Variants in BRINP3 observed in about 807,000 individuals in gnomAD.
The protein encoded by BRINP3 is BMP/retinoic acid-inducible neural-specific protein 3.
A neutral mutation model predicts 71.0 loss-of-function variants in BRINP3; 19 were observed. The observed-to-expected ratio is 0.27, with a 90% CI of 0.19 to 0.39. The LOEUF (loss-of-function observed/expected upper bound fraction) is 0.39. BRINP3 is among the 10% of genes least tolerant of loss of function. The pLI, the probability that BRINP3 is intolerant of heterozygous loss-of-function variation, is 1.00. For synonymous variants in BRINP3, 380 were observed against 337.7 expected, an observed-to-expected ratio of 1.13 and a Z score of -1.37; for missense variants, 959 against 940.8, an observed-to-expected ratio of 1.02 and a Z score of -0.25.
At chr1:190,318,388 T>G (rs1236312052) in intron 2 of BRINP3, among the ~76,000 whole-genome samples, 2 of 152,150 alleles carry the variant, frequency 1.3e-5, no homozygotes, top group African/African-American at 2.4e-5. Context: ...CAATTTCCCT[T>G]TCACTTGATT....
At chr1:190,392,609 TA>T (rs1350151356) in intron 2 of BRINP3, among the ~76,000 whole-genome samples, 3 of 151,792 alleles carry the variant, frequency 2.0e-5, no homozygotes, top group Non-Finnish European at 4.4e-5. Flanking sequence ...AGTTATTTTT[TA>T]AAAAAGAAAG....
chr1:190,226,350 T>A (rs1160320889), intron 5 of BRINP3, 32 bp from the exon 6 acceptor site: 1 of 1,338,582 alleles, frequency 7.5e-7, no homozygotes, highest in Non-Finnish European at 1.0e-6. Context: ...TTAACAAATT[T>A]ACTTTGTTAA....
intron 3 of BRINP3, among the ~76,000 whole-genome samples, chr1:190,279,772 C>T (rs1283208238): frequency 6.6e-6 from 1 of 151,862 alleles, no homozygotes; most frequent in Admixed American, 6.6e-5. Context: ...AATTCTGAAT[C>T]TTTATTTGTG....
At chr1:190,149,887 G>T (rs185188453) in intron 7 of BRINP3, among the ~76,000 whole-genome samples, 27 of 152,106 alleles carry the variant, frequency 1.8e-4, no homozygotes, top group African/African-American at 4.8e-4. Flanking sequence ...TTTCTTGAGT[G>T]TTCTTTTGTC....
intron 7 of BRINP3, among the ~76,000 whole-genome samples, chr1:190,118,028 A>T (rs1935878): frequency 0.99 from 151,064 of 152,160 alleles, 74,993 homozygotes; most frequent in Middle Eastern, 1. Context: ...TTTGGTTAGA[A>T]CCAAATGCAT....
intron 2 of BRINP3, among the ~76,000 whole-genome samples, chr1:190,407,794 A>G (rs1672380778): frequency 1.3e-5 from 2 of 152,166 alleles, no homozygotes; most frequent in Non-Finnish European, 1.5e-5. Context: ...CTTGGAATAT[A>G]TCCATAATAA....
chr1:190,459,379 T>C (rs1185185510), intron 1 of BRINP3, among the ~76,000 whole-genome samples: 1 of 151,860 alleles, frequency 6.6e-6, no homozygotes, highest in African/African-American at 2.4e-5. Context: ...GGTGGTACCT[T>C]ACTTTTATCT....
intron 1 of BRINP3, among the ~76,000 whole-genome samples, chr1:190,466,518 T>C (rs370448319): frequency 2.0e-5 from 3 of 151,848 alleles, no homozygotes; most frequent in Non-Finnish European, 4.4e-5. Context: ...ACTTATCTAG[T>C]CCACAGGAAG....
chr1:190,327,284 TGGCCTG>T (rs1405098083), intron 2 of BRINP3, among the ~76,000 whole-genome samples: 1 of 120,876 alleles, frequency 8.3e-6, no homozygotes, highest in East Asian at 2.6e-4. Flanking sequence ...CATTGTACTC[TGGCCTG>T]GGCAACAGAG....
intron 2 of BRINP3, among the ~76,000 whole-genome samples, chr1:190,288,832 T>C (rs999434197): frequency 6.6e-6 from 1 of 151,924 alleles, no homozygotes. Context: ...ACTTAAAGAA[T>C]ATGCACCACA....
chr1:190,159,640 C>A (rs1657171093), intron 7 of BRINP3, among the ~76,000 whole-genome samples: 1 of 151,928 alleles, frequency 6.6e-6, no homozygotes, highest in South Asian at 2.1e-4. Flanking sequence ...TCTATAGAGA[C>A]AAATAGTAGA....
intron 6 of BRINP3, among the ~76,000 whole-genome samples, chr1:190,170,519 G>A (rs1429843285): frequency 4.6e-5 from 7 of 152,016 alleles, no homozygotes; most frequent in South Asian, 2.1e-4. Flanking sequence ...CATATAAAAC[G>A]TGAAGCCATT....
chr1:190,473,677 A>T lies in BRINP3; in HGVS notation c.-51+3771T>A, dbSNP rs532768474. On this transcript the variant is annotated intron_variant, in intron 1 of 7. Coordinates refer to ENST00000367462, the MANE Select transcript of BRINP3 (RefSeq NM_199051.3). ...GAATGTGTTTGTCATTTTAATTGAGAAAAATCTGATAGTGGAAGAAATCTA... is the reference window on the plus strand; with the variant it reads ...GAATGTGTTTGTCATTTTAATTGAGTAAAATCTGATAGTGGAAGAAATCTA... Among the ~76,000 whole-genome samples the T allele has an allele frequency of 7.6e-4, 116 of 151,978 alleles. 1 individual carries two copies. Among genetic ancestry groups the T allele is most frequent in the Middle Eastern group, 3.4e-3 (1 of 294 alleles).
At position 190,345,715 on chromosome 1, in the gene BRINP3, G is replaced by GGAAAA. The variant is rs776250039; in HGVS notation, c.237-63966_237-63965insTTTTC. Reference sequence around the variant, plus strand: ...ACAACCAAATAGCCATTTACCTTCAGAAAAAAAAAAAAAAAAAGAACACTT... The same window carrying GGAAAA: ...ACAACCAAATAGCCATTTACCTTCAGGAAAAAAAAAAAAAAAAAAAAAGAACACTT... On this transcript the variant is annotated intron_variant, in intron 2 of 7. Coordinates refer to ENST00000367462, the MANE Select transcript of BRINP3 (RefSeq NM_199051.3). 2.9e-5 allele frequency among the ~76,000 whole-genome samples: 3 copies of GGAAAA among 103,632 alleles called. No individual in the cohort carries two copies. The Admixed American group carries it at 3.1e-4, about 11-fold the overall frequency. The allele number at this position is 103,632 out of a possible 152,430, so 68.0% of individuals were successfully genotyped here. A position where few individuals can be genotyped will look rare whatever the true frequency, so the allele number is the denominator to read the frequency against.
chr1:190,163,865 C>T (rs1017038978), intron 6 of BRINP3, among the ~76,000 whole-genome samples: 3 of 152,030 alleles, frequency 2.0e-5, no homozygotes, highest in Non-Finnish European at 4.4e-5. Context: ...AAACTAATAG[C>T]TATAAATATT....
intron 2 of BRINP3, among the ~76,000 whole-genome samples, chr1:190,302,292 T>A (rs1337923391): frequency 6.8e-6 from 1 of 147,626 alleles, no homozygotes; most frequent in East Asian, 2.0e-4. Flanking sequence ...ATATATATAT[T>A]TTAAGTGATG....
At chr1:190,152,242 C>A (rs1423063326) in intron 7 of BRINP3, among the ~76,000 whole-genome samples, 1 of 151,592 alleles carries the variant, frequency 6.6e-6, no homozygotes, top group Non-Finnish European at 1.5e-5. Context: ...TATTTTTGGT[C>A]CTTTTTAAAT....
At chr1:190,315,240 C>T (rs540310492) in intron 2 of BRINP3, among the ~76,000 whole-genome samples, 3 of 151,984 alleles carry the variant, frequency 2.0e-5, no homozygotes, top group Admixed American at 1.3e-4. Flanking sequence ...AGATTAGATG[C>T]CATGGAAATA....
intron 6 of BRINP3, among the ~76,000 whole-genome samples, chr1:190,201,715 C>T (rs1313573940): frequency 6.6e-6 from 1 of 151,928 alleles, no homozygotes; most frequent in East Asian, 1.9e-4. Flanking sequence ...AATAGACCAA[C>T]ATAGAATTCG....
Sources: gnomAD v4.1 joint callset for allele counts (sites outside exome capture counted in the v4.1 genomes callset) on GRCh38, gnomAD v4.1.1 for gene constraint, MANE v1.5 for transcripts, NCBI Gene and HGNC (gene_info 2026-07-23, HGNC 2026-07-21) for gene names.